The following RIMS1 variants were observed in gnomAD, a reference collection of about 807,000 sequenced individuals.
RIMS1 encodes regulating synaptic membrane exocytosis 1.
RIMS1 carries 83 observed loss-of-function variants against 214.1 expected under a neutral mutation model. That is an observed-to-expected ratio of 0.39 (90% confidence interval 0.32 to 0.47). RIMS1 has a LOEUF of 0.47. RIMS1 is among the 20% of genes least tolerant of loss of function. RIMS1 has a pLI of 0.99. For synonymous variants in RIMS1, 793 were observed against 786.8 expected (o/e 1.01, Z -0.13); for missense variants, 2,050 against 2,161.8 (o/e 0.95, Z 1.03).
chr6:72,221,411 A>C (rs769096912), intron 6 of RIMS1, among the ~76,000 whole-genome samples: 3 of 151,924 alleles, frequency 2.0e-5, no homozygotes, highest in Non-Finnish European at 2.9e-5. Flanking sequence ...GAAATTATAA[A>C]GGCCAATAAG....
At chr6:72,125,305 A>C (rs1318034046) in intron 4 of RIMS1, among the ~76,000 whole-genome samples, 3 of 152,182 alleles carry the variant, frequency 2.0e-5, no homozygotes, top group Non-Finnish European at 4.4e-5. Flanking sequence ...GGGTATCACC[A>C]GCAGAGGCTG....
chr6:72,051,050 A>T (rs1824502555), intron 2 of RIMS1, among the ~76,000 whole-genome samples: 1 of 152,180 alleles, frequency 6.6e-6, no homozygotes, highest in Non-Finnish European at 1.5e-5. Context: ...GAAAAAAGGA[A>T]GTGTGAAATT....
chr6:72,398,202 A>G (rs989535786), intron 31 of RIMS1, 47 bp from the exon 32 acceptor site: 5 of 1,238,708 alleles, frequency 4.0e-6, no homozygotes, highest in African/African-American at 3.0e-5. Flanking sequence ...TTAACTGCAC[A>G]TAACTGCAAA....
intron 4 of RIMS1, among the ~76,000 whole-genome samples, chr6:72,120,157 G>C (rs536511415): frequency 6.6e-6 from 1 of 151,762 alleles, no homozygotes; most frequent in Non-Finnish European, 1.5e-5. Flanking sequence ...ATAATCCTTT[G>C]GGTATATACC....
intron 2 of RIMS1, among the ~76,000 whole-genome samples, chr6:72,079,352 A>G (rs138475362): frequency 9.9e-4 from 151 of 152,302 alleles, no homozygotes; most frequent in African/African-American, 3.5e-3. Context: ...AGTGATTGCC[A>G]GGTTTCAGAT....
chr6:72,372,848 G>A (rs1372307727), intron 29 of RIMS1, among the ~76,000 whole-genome samples: 1 of 152,218 alleles, frequency 6.6e-6, no homozygotes, highest in Non-Finnish European at 1.5e-5. Context: ...AGTCACTGGA[G>A]GTTGGACTTG....
intron 2 of RIMS1, among the ~76,000 whole-genome samples, chr6:72,006,176 CATG>C (rs1807536098): frequency 6.6e-6 from 1 of 152,172 alleles, no homozygotes; most frequent in African/African-American, 2.4e-5. Flanking sequence ...GCTCTGCCCT[CATG>C]ATCTAATTAC....
chr6:71,951,980 T>C lies in RIMS1; in HGVS notation c.165-17003T>C, dbSNP rs1789736749. Among the ~76,000 whole-genome samples, 3 of 152,178 alleles carry C rather than the reference T, an allele frequency of 2.0e-5. 1 individual carries two copies. Among genetic ancestry groups the C allele is most frequent in the African/African-American group, 7.2e-5 (3 of 41,444 alleles). Reference sequence around the variant, plus strand: ...GAATGTGGATGTGAGGTTGTCATGCTTTCTCCACCCAGGTCTCATGGAATG... The same window carrying C: ...GAATGTGGATGTGAGGTTGTCATGCCTTCTCCACCCAGGTCTCATGGAATG... On this transcript the variant is annotated intron_variant, in intron 1 of 33. Coordinates refer to ENST00000521978, the MANE Select transcript of RIMS1 (RefSeq NM_014989.7).
chr6:72,372,935 C>T (rs1175794441), intron 29 of RIMS1, among the ~76,000 whole-genome samples: 2 of 152,194 alleles, frequency 1.3e-5, no homozygotes, highest in Non-Finnish European at 2.9e-5. Flanking sequence ...GAATAAAGGA[C>T]ACAGTCCACT....
intron 4 of RIMS1, among the ~76,000 whole-genome samples, chr6:72,111,860 G>T (rs1425650420): frequency 6.6e-6 from 1 of 152,088 alleles, no homozygotes; most frequent in East Asian, 1.9e-4. Context: ...TTTCCCCACA[G>T]TTGTCCCATG....
intron 6 of RIMS1, among the ~76,000 whole-genome samples, chr6:72,202,390 T>C (rs2496525): frequency 0.98 from 148,698 of 152,232 alleles, 72,706 homozygotes; most frequent in East Asian, 1. Context: ...CTGACTTTTC[T>C]CTGTATCTTC....
intron 2 of RIMS1, among the ~76,000 whole-genome samples, chr6:72,026,332 C>A (rs1816463152): frequency 6.6e-6 from 1 of 152,020 alleles, no homozygotes; most frequent in African/African-American, 2.4e-5. Context: ...TATATTATAT[C>A]TAAATTCCCT....
intron 6 of RIMS1, among the ~76,000 whole-genome samples, chr6:72,228,133 T>A (rs2060823181): frequency 6.6e-6 from 1 of 151,958 alleles, no homozygotes; most frequent in South Asian, 2.1e-4. Context: ...CCACCCTGTT[T>A]ATTATTATCT....
intron 26 of RIMS1, among the ~76,000 whole-genome samples, chr6:72,302,783 A>C (rs138141164): frequency 1.1e-4 from 17 of 151,784 alleles, no homozygotes; most frequent in African/African-American, 3.1e-4. Context: ...ACTTTGATAC[A>C]TATATGAGCT....
intron 26 of RIMS1, among the ~76,000 whole-genome samples, chr6:72,300,074 T>C (rs903357275): frequency 2.6e-5 from 4 of 151,840 alleles, no homozygotes; most frequent in Admixed American, 2.0e-4. Context: ...AAGTAATTTA[T>C]CCATCTCTTT....
chr6:72,338,278 C>G (rs2096917791), intron 29 of RIMS1, among the ~76,000 whole-genome samples: 1 of 151,888 alleles, frequency 6.6e-6, no homozygotes. Flanking sequence ...TTAATGATCA[C>G]CATTTTAACT....
At chr6:72,099,093 C>T (rs889202985) in intron 3 of RIMS1, among the ~76,000 whole-genome samples, 1 of 152,218 alleles carries the variant, frequency 6.6e-6, no homozygotes, top group Non-Finnish European at 1.5e-5. Flanking sequence ...AGGCGCAGAT[C>T]AGCTGAGTGC....
chr6:72,213,147 T>C, intron 6 of RIMS1: 1 of 1,537,036 alleles, frequency 6.5e-7, no homozygotes, highest in East Asian at 2.4e-5. Context: ...GATTCATGTC[T>C]CTTCAGAAGG....
chr6:71,897,747 T>G (rs548153020), intron 1 of RIMS1, among the ~76,000 whole-genome samples: 1 of 152,174 alleles, frequency 6.6e-6, no homozygotes, highest in East Asian at 1.9e-4. Context: ...ACCATTCTTA[T>G]TTGAATCCCT....
Sources: allele counts gnomAD v4.1 joint callset (sites outside exome capture counted in the v4.1 genomes callset), GRCh38; gene constraint gnomAD v4.1.1; transcripts MANE v1.5; gene names NCBI Gene and HGNC (gene_info 2026-07-23, HGNC 2026-07-21).